CDH10: variants seen among roughly 807,000 people sequenced by gnomAD.
The protein encoded by CDH10 is cadherin 10.
A neutral mutation model predicts 73.1 loss-of-function variants in CDH10; 30 were observed. The ratio of observed to expected loss-of-function variants is 0.41; its 90% CI spans 0.31 to 0.56. CDH10 has a LOEUF of 0.56. CDH10 is among the 20% of genes least tolerant of loss of function. CDH10 has a pLI of 0.27. For synonymous variants in CDH10, 345 were observed against 348.2 expected, an observed-to-expected ratio of 0.99 and a Z score of 0.10; for missense variants, 815 against 973.7, an observed-to-expected ratio of 0.84 and a Z score of 2.17.
In CDH10 at chr5:24,511,353, G is replaced by T; in HGVS notation, c.976C>A (p.Gln326Lys). 6.2e-7 allele frequency: 1 copy of T among 1,611,350 alleles called. No homozygotes were observed. The highest frequency in any genetic ancestry group is 8.5e-7 in the Non-Finnish European group (1 of 1,177,668). ...TTTTTCACAGTGATGATGCCTTCCT[G>T]TGTGTCCTTCTCAGTCACGATGTCA... ...MFDIVTEKDTQEGIITVKKPL... is the reference protein window; with the variant it reads ...MFDIVTEKDTKEGIITVKKPL... The change falls in exon 6 of 12, where the codon CAG (glutamine) becomes AAG (lysine). Residue 326 changes from glutamine (Q) to lysine (K), a missense_variant. By Grantham distance (53) the Gln-to-Lys change is moderately conservative (BLOSUM62 1). Around this residue, in one of 3 missense-constraint regions of CDH10, gnomAD observed 516 missense variants for 636.6 expected, o/e 0.81. Transcript: ENST00000264463.
chr5:24,495,355 C>T (rs1169559), intron 9 of CDH10, among the ~76,000 whole-genome samples: 130,425 of 152,198 alleles, frequency 0.86, 55,990 homozygotes, highest in Non-Finnish European at 0.87. Flanking sequence ...TGATTTCTGT[C>T]TTCACTGGGC....
chr5:24,554,554 A>G (rs1744697713), intron 2 of CDH10, among the ~76,000 whole-genome samples: 1 of 150,176 alleles, frequency 6.7e-6, no homozygotes, highest in Non-Finnish European at 1.5e-5. Context: ...GCTTTCCTCA[A>G]ATGTCTTGAC....
chr5:24,568,210 T>C (rs1446771754), intron 2 of CDH10, among the ~76,000 whole-genome samples: 2 of 152,068 alleles, frequency 1.3e-5, no homozygotes, highest in Admixed American at 1.3e-4. Flanking sequence ...TATTAATATT[T>C]TGGAAATACG....
At chr5:24,517,569 T>G (rs2111797067) in intron 5 of CDH10, among the ~76,000 whole-genome samples, 1 of 124,546 alleles carries the variant, frequency 8.0e-6, no homozygotes, top group South Asian at 2.8e-4. Context: ...TAAAATACAT[T>G]GAATCATATT....
At chr5:24,623,220 G>C (rs906000) in intron 1 of CDH10, among the ~76,000 whole-genome samples, 89,104 of 152,060 alleles carry the variant, frequency 0.59, 28,762 homozygotes, top group Admixed American at 0.73. Context: ...AGGGAAGCTA[G>C]TCAGGCACGC....
At chr5:24,516,228 A>G (rs1262165452) in intron 5 of CDH10, among the ~76,000 whole-genome samples, 3 of 152,188 alleles carry the variant, frequency 2.0e-5, no homozygotes, top group Admixed American at 6.5e-5. Flanking sequence ...AGTGTATTAT[A>G]TCATAGCAGG....
intron 1 of CDH10, among the ~76,000 whole-genome samples, chr5:24,597,435 G>A (rs942235180): frequency 2.0e-5 from 3 of 152,046 alleles, no homozygotes; most frequent in South Asian, 2.1e-4. Flanking sequence ...CCCCAGATAC[G>A]TAGCCTACTA....
intron 5 of CDH10, among the ~76,000 whole-genome samples, chr5:24,517,203 T>C (rs914314480): frequency 2.0e-5 from 3 of 152,154 alleles, no homozygotes; most frequent in Non-Finnish European, 4.4e-5. Context: ...TGATTATGCA[T>C]GCTTTTTGTA....
chr5:24,624,360 A>G (rs566489140), intron 1 of CDH10, among the ~76,000 whole-genome samples: 1 of 152,262 alleles, frequency 6.6e-6, no homozygotes, highest in South Asian at 2.1e-4. Flanking sequence ...AATAAATCAG[A>G]TAATAATTAT....
chr5:24,617,438 G>T (rs989847931), intron 1 of CDH10, among the ~76,000 whole-genome samples: 1 of 152,122 alleles, frequency 6.6e-6, no homozygotes, highest in Non-Finnish European at 1.5e-5. Flanking sequence ...CTGAAGTCTG[G>T]AGTAGGCATT....
At chr5:24,492,775 T>C in intron 10 of CDH10, 42 bp downstream of exon 10, 1 of 814,842 alleles carries the variant, frequency 1.2e-6, no homozygotes, top group South Asian at 1.4e-5. Context: ...AATTTCCTGT[T>C]AATATCATCA....
intron 5 of CDH10, among the ~76,000 whole-genome samples, chr5:24,524,538 C>T (rs1438653457): frequency 1.3e-5 from 2 of 152,040 alleles, no homozygotes; most frequent in Non-Finnish European, 2.9e-5. Flanking sequence ...ATGTGGTACG[C>T]TTTCCTATCA....
chr5:24,638,399 T>C (rs1747937218), intron 1 of CDH10, among the ~76,000 whole-genome samples: 3 of 151,646 alleles, frequency 2.0e-5, no homozygotes, highest in Non-Finnish European at 1.5e-5. Flanking sequence ...AGTGTAGAAA[T>C]TCTGTAGAAA....
At chr5:24,615,211 A>C (rs1254729371) in intron 1 of CDH10, among the ~76,000 whole-genome samples, 1 of 152,214 alleles carries the variant, frequency 6.6e-6, no homozygotes, top group Non-Finnish European at 1.5e-5. Flanking sequence ...TCATTTCTGC[A>C]TCAGAATTTT....
intron 9 of CDH10, among the ~76,000 whole-genome samples, chr5:24,493,250 G>T (rs958208403): frequency 6.6e-6 from 1 of 151,636 alleles, no homozygotes; most frequent in Non-Finnish European, 1.5e-5. Context: ...AGAGTTTTTC[G>T]AATGTCAGAA....
At chr5:24,537,740 G>T in intron 2 of CDH10, 66 bp from the exon 3 acceptor site, 1 of 1,010,946 alleles carries the variant, frequency 9.9e-7, no homozygotes, top group Non-Finnish European at 1.5e-6. Context: ...GAAAGAATTC[G>T]CAGAAGGTCT....
chr5:24,587,205 T>C (rs574343456), intron 2 of CDH10, among the ~76,000 whole-genome samples: 128 of 152,260 alleles, frequency 8.4e-4, no homozygotes, highest in Non-Finnish European at 1.6e-3. Flanking sequence ...TATTTAAGAA[T>C]TTACTTTAAG....
At chr5:24,571,716 AT>A (rs1197740827) in intron 2 of CDH10, among the ~76,000 whole-genome samples, 2 of 151,916 alleles carry the variant, frequency 1.3e-5, no homozygotes, top group African/African-American at 4.8e-5. Flanking sequence ...ATGAAAAAAA[AT>A]AATGCTATGT....
At chr5:24,616,055 TTTTG>T (rs1205924395) in intron 1 of CDH10, among the ~76,000 whole-genome samples, 4 of 151,882 alleles carry the variant, frequency 2.6e-5, no homozygotes, top group African/African-American at 4.8e-5. Flanking sequence ...ACTGTAATTA[TTTTG>T]TTTATGTTCT....
Sources: allele counts gnomAD v4.1 joint callset (sites outside exome capture counted in the v4.1 genomes callset), GRCh38; gene constraint gnomAD v4.1.1; regional missense constraint gnomAD v4.1.1; transcripts MANE v1.5; gene names NCBI Gene and HGNC (gene_info 2026-07-23, HGNC 2026-07-21).